Variants in EXOC2 observed in about 807,000 individuals in gnomAD.
EXOC2 encodes SEC5-like 1.
In EXOC2, 70 loss-of-function variants were observed where a neutral mutation model predicts 131.8. That is an observed-to-expected ratio of 0.53 (90% CI 0.44 to 0.65). The LOEUF (loss-of-function observed/expected upper bound fraction) is 0.65. Ranked by LOEUF, EXOC2 falls within the 30% of genes least tolerant of loss-of-function variation. EXOC2 has a pLI of 0.00. For synonymous variants in EXOC2, 411 were observed against 398.4 expected, an observed-to-expected ratio of 1.03 and a Z score of -0.38; for missense variants, 923 against 1,108.6, an observed-to-expected ratio of 0.83 and a Z score of 2.38.
intron 23 of EXOC2, among the ~76,000 whole-genome samples, chr6:520,695 G>A (rs112197739): frequency 1.8e-3 from 46 of 25,224 alleles, no homozygotes; most frequent in Non-Finnish European, 2.0e-3. Flanking sequence ...GCCGACACTC[G>A]CCGTCCACAC....
rs1764550452 is a variant in EXOC2, at chr6:506,654, C to T, written c.2381-6954G>A. On this transcript the variant is annotated intron_variant, in intron 23 of 27. Coordinates refer to ENST00000230449, the MANE Select transcript of EXOC2 (RefSeq NM_018303.6). This position sits in a 1 kb window ranked among gnomAD's most constrained non-coding sequence, Gnocchi z 4.4. ...ATATTTGACAAAAAGTGTCCCCACC[C>T]ACACAGTATCAACCTAGACTACTAC... Among the ~76,000 whole-genome samples the T allele has an allele frequency of 6.6e-6, 1 of 151,942 alleles. No individual in the cohort carries two copies. Among genetic ancestry groups the T allele is most frequent in the Admixed American group, 6.6e-5 (1 of 15,240 alleles).
intron 25 of EXOC2, 79 bp downstream of exon 25, chr6:497,288 A>G (rs1763797085): frequency 5.1e-6 from 7 of 1,366,832 alleles, no homozygotes; most frequent in East Asian, 2.3e-5. Context: ...CTGTCATATC[A>G]TAAGATTGAT....
At chr6:507,102 A>C (rs1283334242) in intron 23 of EXOC2, among the ~76,000 whole-genome samples, 1 of 145,292 alleles carries the variant, frequency 6.9e-6, no homozygotes, top group African/African-American at 2.6e-5. Context: ...ATACACACAC[A>C]CACACAGCAG....
At chr6:660,536 A>G (rs1763380671) in intron 1 of EXOC2, among the ~76,000 whole-genome samples, 1 of 152,220 alleles carries the variant, frequency 6.6e-6, no homozygotes, top group African/African-American at 2.4e-5. Flanking sequence ...TGGGTGCTAG[A>G]CCCAGAAGAG....
chr6:540,415 C>A (rs563662577), intron 22 of EXOC2, among the ~76,000 whole-genome samples: 1 of 152,242 alleles, frequency 6.6e-6, no homozygotes. Flanking sequence ...ACTGCTACCA[C>A]TATCTCCTTC....
At chr6:496,430 C>A (rs1763746730) in intron 25 of EXOC2, among the ~76,000 whole-genome samples, 1 of 152,144 alleles carries the variant, frequency 6.6e-6, no homozygotes, top group African/African-American at 2.4e-5. Flanking sequence ...CCAATTCTTA[C>A]TTCAGTTCTT....
intron 7 of EXOC2, among the ~76,000 whole-genome samples, chr6:609,000 A>C (rs751013079): frequency 6.6e-6 from 1 of 152,246 alleles, no homozygotes; most frequent in Non-Finnish European, 1.5e-5. Flanking sequence ...CTCAAAGATA[A>C]AAACAAGGGA....
chr6:657,142 C>A, intron 1 of EXOC2: 2 of 418,018 alleles, frequency 4.8e-6, no homozygotes, highest in Non-Finnish European at 8.4e-6. Flanking sequence ...CACGGAAGGG[C>A]CTCCCAACGC....
At chr6:492,921 A>C (rs935475972) in intron 25 of EXOC2, among the ~76,000 whole-genome samples, 2 of 152,222 alleles carry the variant, frequency 1.3e-5, no homozygotes, top group African/African-American at 4.8e-5. Context: ...ATATTTCATA[A>C]AAGTTTTAAG....
chr6:644,113 GC>G (rs1393925932), intron 1 of EXOC2, among the ~76,000 whole-genome samples: 8 of 152,126 alleles, frequency 5.3e-5, no homozygotes, highest in Middle Eastern at 3.4e-3. Context: ...GAAATATCAA[GC>G]CTATATGAAT....
intron 1 of EXOC2, chr6:670,370 T>C (rs1462488431): frequency 6.6e-6 from 1 of 152,178 alleles, no homozygotes; most frequent in Non-Finnish European, 1.5e-5. Flanking sequence ...AAATAAGTGT[T>C]TGGCATTTTA....
chr6:652,055 C>CAAAA (rs779403495), intron 1 of EXOC2, among the ~76,000 whole-genome samples: 1 of 77,998 alleles, frequency 1.3e-5, no homozygotes, highest in Admixed American at 1.5e-4. Flanking sequence ...GATTCCATCT[C>CAAAA]AAAAAAAAAA....
At chr6:648,866 C>A (rs904738409) in intron 1 of EXOC2, among the ~76,000 whole-genome samples, 2 of 151,672 alleles carry the variant, frequency 1.3e-5, no homozygotes, top group African/African-American at 4.8e-5. Flanking sequence ...GGACCACAGG[C>A]ATGCACCACC....
intron 11 of EXOC2, among the ~76,000 whole-genome samples, chr6:582,970 G>A (rs1223350011): frequency 6.6e-6 from 1 of 152,056 alleles, no homozygotes; most frequent in African/African-American, 2.4e-5. Context: ...TAAATTAAAA[G>A]CAAAACTACA....
At chr6:604,014 A>G (rs1239188456) in intron 7 of EXOC2, among the ~76,000 whole-genome samples, 1 of 152,226 alleles carries the variant, frequency 6.6e-6, no homozygotes, top group Non-Finnish European at 1.5e-5. Context: ...TCACCTGCAC[A>G]TGGTTATGTC....
chr6:514,292 C>G (rs1765014303), intron 23 of EXOC2, among the ~76,000 whole-genome samples: 1 of 152,150 alleles, frequency 6.6e-6, no homozygotes, highest in Admixed American at 6.5e-5. Context: ...CTAAGCTGCC[C>G]TGTAAGTATT....
chr6:672,869 T>G (rs2127779816), intron 1 of EXOC2, among the ~76,000 whole-genome samples: 1 of 152,346 alleles, frequency 6.6e-6, no homozygotes, highest in Non-Finnish European at 1.5e-5. Flanking sequence ...GTAAGTTGCA[T>G]TCTTATAAAA....
chr6:493,821 G>A (rs1015923513), intron 25 of EXOC2, among the ~76,000 whole-genome samples: 5 of 152,180 alleles, frequency 3.3e-5, no homozygotes, highest in African/African-American at 1.2e-4. Flanking sequence ...AAAACTGGAG[G>A]CTGGAACAGT....
At chr6:676,402 ACT>A (rs749862031) in intron 1 of EXOC2, among the ~76,000 whole-genome samples, 100 of 220 alleles carry the variant, frequency 0.45, 50 homozygotes, top group East Asian at 1. Context: ...TCCTCTGGTG[ACT>A]CTGCGGTTCC....
Sources: allele counts gnomAD v4.1 joint callset (sites outside exome capture counted in the v4.1 genomes callset), GRCh38; gene constraint gnomAD v4.1.1; non-coding constraint Gnocchi (gnomAD v3.1); transcripts MANE v1.5; gene names NCBI Gene and HGNC (gene_info 2026-07-23, HGNC 2026-07-21).